TAOK1: variants seen among roughly 807,000 people sequenced by gnomAD.
TAOK1 encodes the protein serine/threonine-protein kinase TAO1.
A neutral mutation model predicts 138.3 loss-of-function variants in TAOK1; 21 were observed. That is an observed-to-expected ratio of 0.15 (90% CI 0.11 to 0.22). The LOEUF is 0.22. Among genes scored for constraint, TAOK1 ranks in the 10% least tolerant of loss-of-function variants. The pLI, the probability that TAOK1 is intolerant of heterozygous loss-of-function variation, is 1.00. For missense variants in TAOK1, 651 were observed against 1,227.7 expected, an observed-to-expected ratio of 0.53 and a Z score of 7.02; for synonymous variants, 361 against 398.4, an observed-to-expected ratio of 0.91 and a Z score of 1.12.
chr17:29,426,850 C>T (rs548159364), intron 1 of TAOK1, among the ~76,000 whole-genome samples: 4 of 152,224 alleles, frequency 2.6e-5, no homozygotes, highest in South Asian at 4.1e-4. Context: ...ATTAAGGAAA[C>T]GCCTAAATAA....
intron 1 of TAOK1, among the ~76,000 whole-genome samples, chr17:29,401,703 G>A (rs1904848669): frequency 1.3e-5 from 2 of 151,898 alleles, no homozygotes; most frequent in Admixed American, 1.3e-4. Context: ...TTGGGAGGCT[G>A]GAGTGCAGTG....
At chr17:29,520,692 G>A (rs1346491578) in intron 16 of TAOK1, among the ~76,000 whole-genome samples, 2 of 150,800 alleles carry the variant, frequency 1.3e-5, no homozygotes, top group Non-Finnish European at 3.0e-5. Context: ...TGGGATTACA[G>A]GCGTGAGCCA....
At chr17:29,428,416 C>T (rs1905716560) in intron 1 of TAOK1, among the ~76,000 whole-genome samples, 2 of 152,052 alleles carry the variant, frequency 1.3e-5, no homozygotes, top group Admixed American at 1.3e-4. Context: ...TGAAAAATGC[C>T]ATAGAGGTAG....
chr17:29,419,113 T>G (rs764090839), intron 1 of TAOK1, among the ~76,000 whole-genome samples: 2 of 152,148 alleles, frequency 1.3e-5, no homozygotes, highest in Admixed American at 1.3e-4. Flanking sequence ...GGTCTTTTTC[T>G]TACTTTTCTC....
At chr17:29,432,296 T>G (rs1341655404) in intron 1 of TAOK1, among the ~76,000 whole-genome samples, 1 of 152,222 alleles carries the variant, frequency 6.6e-6, no homozygotes, top group Non-Finnish European at 1.5e-5. Context: ...GAGCATGTCC[T>G]TAAGGCACAG....
chr17:29,493,780 G>A (rs1207418393), intron 10 of TAOK1, among the ~76,000 whole-genome samples: 1 of 152,024 alleles, frequency 6.6e-6, no homozygotes, highest in Non-Finnish European at 1.5e-5. Context: ...AAAATTTAAT[G>A]TATGAAGCTA....
chr17:29,425,578 C>CCTCA (rs1281150333), intron 1 of TAOK1, among the ~76,000 whole-genome samples: 1 of 152,090 alleles, frequency 6.6e-6, no homozygotes, highest in Non-Finnish European at 1.5e-5. Context: ...ACTCGGGAGG[C>CCTCA]TGAGGTAGGA....
intron 8 of TAOK1, among the ~76,000 whole-genome samples, chr17:29,483,009 C>T (rs1415814505): frequency 1.3e-5 from 2 of 152,162 alleles, no homozygotes; most frequent in Non-Finnish European, 2.9e-5. Context: ...CTGGATTTCC[C>T]AATGGAGGTC....
intron 1 of TAOK1, among the ~76,000 whole-genome samples, chr17:29,403,407 G>T (rs947006427): frequency 6.6e-6 from 1 of 152,072 alleles, no homozygotes; most frequent in African/African-American, 2.4e-5. Flanking sequence ...GGGAATTTAG[G>T]GTTACTGAAA....
chr17:29,428,342 C>G (rs2153022416), intron 1 of TAOK1, among the ~76,000 whole-genome samples: 1 of 152,164 alleles, frequency 6.6e-6, no homozygotes, highest in Non-Finnish European at 1.5e-5. Context: ...GTAGAACAGA[C>G]AAGAGGTAAC....
chr17:29,481,987 A>G (rs2031074935), intron 7 of TAOK1, among the ~76,000 whole-genome samples: 2 of 152,074 alleles, frequency 1.3e-5, no homozygotes, highest in Non-Finnish European at 2.9e-5. Context: ...CAATAAATAA[A>G]TAAATACATA....
At chr17:29,542,445 A>G (rs968682762) in intron 19 of TAOK1, 116 bp from the exon 20 acceptor site, 52 of 839,878 alleles carry the variant, frequency 6.2e-5, no homozygotes, top group Non-Finnish European at 8.3e-5. Context: ...TTTGAAACTC[A>G]TGGACAAATA....
chr17:29,494,496 A>G (rs1403391726), intron 10 of TAOK1, among the ~76,000 whole-genome samples: 2 of 152,006 alleles, frequency 1.3e-5, no homozygotes, highest in East Asian at 3.9e-4. Context: ...AAAAAGAAAT[A>G]AATTTGAGCT....
chr17:29,421,991 G>A (rs984978630), intron 1 of TAOK1, among the ~76,000 whole-genome samples: 14 of 151,870 alleles, frequency 9.2e-5, no homozygotes, highest in East Asian at 1.9e-4. Context: ...TCCATCTCCC[G>A]GGTTCACGCC....
chr17:29,472,256 G>GTTTT (rs36070425), intron 3 of TAOK1, among the ~76,000 whole-genome samples: 1 of 142,842 alleles, frequency 7.0e-6, no homozygotes, highest in African/African-American at 2.6e-5. Flanking sequence ...GCCGTTGTGT[G>GTTTT]TTTTTTTTTT....
intron 2 of TAOK1, among the ~76,000 whole-genome samples, chr17:29,464,405 C>G (rs941411728): frequency 1.3e-5 from 2 of 148,382 alleles, no homozygotes; most frequent in Non-Finnish European, 3.0e-5. Context: ...GATCGCAGCG[C>G]TGCACTCCAG....
intron 1 of TAOK1, among the ~76,000 whole-genome samples, chr17:29,404,899 G>C (rs1005621105): frequency 2.0e-5 from 3 of 152,178 alleles, no homozygotes; most frequent in African/African-American, 7.2e-5. Flanking sequence ...TAGGTGGAAT[G>C]ATAGCCAAGA....
chr17:29,498,554 A>C (rs375992027), intron 12 of TAOK1, 33 bp downstream of exon 12: 2 of 1,603,258 alleles, frequency 1.2e-6, no homozygotes, highest in Admixed American at 3.3e-5. Context: ...AAGAAATTCA[A>C]TGTTGGTAAA....
intron 1 of TAOK1, among the ~76,000 whole-genome samples, chr17:29,441,724 C>T (rs1027050081): frequency 2.6e-5 from 4 of 152,040 alleles, no homozygotes; most frequent in African/African-American, 7.2e-5. Flanking sequence ...CATGGTGAAA[C>T]GCCGTCTCTA....
Sources: gnomAD v4.1 joint callset for allele counts (sites outside exome capture counted in the v4.1 genomes callset) on GRCh38, gnomAD v4.1.1 for gene constraint, MANE v1.5 for transcripts, NCBI Gene and HGNC (gene_info 2026-07-23, HGNC 2026-07-21) for gene names.